RPP40: variants seen among roughly 807,000 people sequenced by gnomAD.
The protein encoded by RPP40 is ribonuclease P protein subunit p40.
RPP40 carries 30 observed loss-of-function variants against 42.5 expected under a neutral mutation model. That is an observed-to-expected ratio of 0.71 (90% CI 0.53 to 0.96). The LOEUF is 0.96. Among genes scored for constraint, RPP40 ranks in the 40% least tolerant of loss-of-function variants. The probability of loss-of-function intolerance (pLI) is 0.00; values close to 1 mark genes in which losing one functional copy is unlikely to be tolerated. For missense variants in RPP40, 426 were observed against 433.5 expected (o/e 0.98, Z 0.15); for synonymous variants, 173 against 164.0 (o/e 1.05, Z -0.42).
chr6:5,000,723 G>A (rs1337928987), intron 2 of RPP40, 92 bp from the exon 3 acceptor site: 5 of 851,040 alleles, frequency 5.9e-6, no homozygotes, highest in Admixed American at 2.0e-5. Context: ...CCAGTCTTCC[G>A]GGTCATTAAA....
chr6:4,995,315 G>C (rs1403231099), intron 7 of RPP40, 39 bp from the exon 8 acceptor site: 20 of 1,460,870 alleles, frequency 1.4e-5, no homozygotes, highest in Non-Finnish European at 1.9e-5. Context: ...TTTTAAAAGA[G>C]AGTTAGGAAT....
chr6:5,003,217 C>G (rs2764110), intron 1 of RPP40, among the ~76,000 whole-genome samples: 134,526 of 151,538 alleles, frequency 0.89, 59,828 homozygotes, highest in East Asian at 0.99. Flanking sequence ...CGTGGTGGCG[C>G]GCGCCTGTAG....
At chr6:4,994,462 C>CTT (rs1444218592), downstream of RPP40, among the ~76,000 whole-genome samples, 1 of 152,312 alleles carries the variant, frequency 6.6e-6, no homozygotes, top group African/African-American at 2.4e-5. Flanking sequence ...CCTTATCAGC[C>CTT]TTACTGCTGG....
downstream of RPP40, among the ~76,000 whole-genome samples, chr6:4,993,277 C>T (rs1403758369): frequency 6.6e-6 from 1 of 152,160 alleles, no homozygotes; most frequent in Non-Finnish European, 1.5e-5. Flanking sequence ...ATCCATTATT[C>T]TATTTTCAGT....
downstream of RPP40, among the ~76,000 whole-genome samples, chr6:4,990,763 G>A (rs1432046045): frequency 2.0e-5 from 3 of 151,450 alleles, no homozygotes; most frequent in African/African-American, 7.3e-5. Context: ...ATACAGGTGC[G>A]AGCCACCACG....
Position 4,994,920 on chromosome 6 carries a change from T to C in RPP40, c.*158A>G. 1.6e-6 allele frequency: 1 copy of C among 641,410 alleles called. No homozygotes were observed. The highest frequency in any genetic ancestry group is 2.7e-6 in the Non-Finnish European group (1 of 374,818). 39.7% of individuals were successfully genotyped at this position (641,410 alleles called of 1,614,324 possible). ...CACTGGACAGCAGGCCTTGCTGCCA[T>C]CACAGATGGGTCTCAGGTGCAGGGC... On this transcript the variant is annotated 3_prime_UTR_variant, in exon 8 of 8. Coordinates refer to ENST00000380051, the MANE Select transcript of RPP40 (RefSeq NM_006638.4).
intron 5 of RPP40, among the ~76,000 whole-genome samples, chr6:4,996,977 C>A (rs903055029): frequency 2.0e-5 from 3 of 152,188 alleles, no homozygotes; most frequent in Non-Finnish European, 4.4e-5. Context: ...AATAATGTCA[C>A]CCTCCCTCTC....
chr6:4,994,567 C>G (rs1004365965), downstream of RPP40, among the ~76,000 whole-genome samples: 20 of 152,182 alleles, frequency 1.3e-4, no homozygotes, highest in Non-Finnish European at 1.9e-4. Context: ...CACTTAGGAA[C>G]TAGGCTGGCC....
At chr6:4,995,456 T>C (rs1330950422) in intron 7 of RPP40, among the ~76,000 whole-genome samples, 180 bp from the exon 8 acceptor site, 1 of 152,188 alleles carries the variant, frequency 6.6e-6, no homozygotes, top group South Asian at 2.1e-4. Context: ...GTGAACTCCA[T>C]AAGGATTAAC....
chr6:4,995,456 T>A (rs1330950422), intron 7 of RPP40, among the ~76,000 whole-genome samples, 180 bp from the exon 8 acceptor site: 1 of 152,188 alleles, frequency 6.6e-6, no homozygotes, highest in East Asian at 1.9e-4. Flanking sequence ...GTGAACTCCA[T>A]AAGGATTAAC....
rs1242326189 is a variant in RPP40, at chr6:5,000,649, G to A, written c.269-18C>T. 6.7e-7 allele frequency: 1 copy of A among 1,500,948 alleles called. No individual in the cohort carries two copies. The highest frequency in any genetic ancestry group is 1.2e-5 in the South Asian group (1 of 85,422). The allele number at this position is 1,500,948 out of a possible 1,614,324, so 93.0% of individuals were successfully genotyped here. The stretch of plus-strand genomic sequence containing the variant: ...GCAAGAACCTGGAAGAGAAAGTACA[G>A]AGGAAAAATTTAAAACAAGAAATTA... On this transcript the variant is annotated intron_variant, in intron 2 of 7. Coordinates refer to ENST00000380051, the MANE Select transcript of RPP40 (RefSeq NM_006638.4).
At chr6:4,994,236 G>T (rs1759304425), downstream of RPP40, among the ~76,000 whole-genome samples, 1 of 138,838 alleles carries the variant, frequency 7.2e-6, no homozygotes, top group African/African-American at 2.7e-5. Flanking sequence ...TCACACACCG[G>T]GGCCTGTTGT....
chr6:4,999,672 A>G, intron 4 of RPP40, 137 bp downstream of exon 4: 1 of 595,254 alleles, frequency 1.7e-6, no homozygotes. Context: ...TCCTCTGTGA[A>G]GCTCGAGTCA....
chr6:5,001,857 C>T lies in RPP40; in HGVS notation c.268+244G>A, dbSNP rs145247478. The T allele has an allele frequency of 6.0e-4, 229 of 383,276 alleles. 4 individuals carry two copies. In the East Asian group the frequency reaches 7.9e-3, roughly 13 times the overall value. The allele number at this position is 383,276 out of a possible 1,614,324, so 23.7% of individuals were successfully genotyped here. ...TCCATTAATCCTCATTTTAAGGGGA[C>T]GGATACTGTCATGTTACAACATCCC... is the stretch of plus-strand genomic sequence containing the variant. On this transcript the variant is annotated intron_variant, in intron 2 of 7. Coordinates refer to ENST00000380051, the MANE Select transcript of RPP40 (RefSeq NM_006638.4).
At position 4,996,284 on chromosome 6, in the gene RPP40, C is replaced by T; in HGVS notation, c.696G>A (p.Glu232=). 1 of 1,614,138 alleles carries T rather than the reference C, an allele frequency of 6.2e-7. No homozygotes were observed. The highest frequency in any genetic ancestry group is 8.5e-7 in the Non-Finnish European group (1 of 1,180,048). The change falls in exon 6 of 8, where the codon GAG becomes GAA. Residue 232 remains glutamate (E), a synonymous_variant. Coordinates refer to ENST00000380051, the MANE Select transcript of RPP40 (RefSeq NM_006638.4). ...LQSSELEGTP[E]VSCRALELFD... ...AGAGCTCCAGAGCCCGGCAGGACAC[C>T]TCTGGCGTTCCCTCCAGCTCGCTGC...
downstream of RPP40, among the ~76,000 whole-genome samples, chr6:4,993,142 T>C (rs887311012): frequency 6.6e-6 from 1 of 152,248 alleles, no homozygotes; most frequent in Admixed American, 6.5e-5. Context: ...CCAGTGCTTA[T>C]TTCCTTCAGA....
At position 4,996,204 on chromosome 6, in the gene RPP40, G is replaced by A; in HGVS notation, c.758+18C>T. ...GCAGGCCAGAGCCCTGGAAGACACAGGGAGTTCAGATACCCACAGGTCGAC... is the reference window on the plus strand; with the variant it reads ...GCAGGCCAGAGCCCTGGAAGACACAAGGAGTTCAGATACCCACAGGTCGAC... On this transcript the variant is annotated intron_variant, in intron 6 of 7. Coordinates refer to ENST00000380051, the MANE Select transcript of RPP40 (RefSeq NM_006638.4). 2 of 1,612,468 alleles carry A rather than the reference G, an allele frequency of 1.2e-6. No homozygotes were observed. Among genetic ancestry groups the A allele is most frequent in the East Asian group, 4.5e-5 (2 of 44,836 alleles).
At chr6:4,995,368 G>C (rs946065632) in intron 7 of RPP40, 92 bp from the exon 8 acceptor site, 13 of 871,628 alleles carry the variant, frequency 1.5e-5, no homozygotes, top group African/African-American at 5.2e-5. Flanking sequence ...TAGTATTTCT[G>C]ATATTCTAAT....
chr6:4,992,026 T>C (rs1759267252), downstream of RPP40, among the ~76,000 whole-genome samples: 2 of 152,168 alleles, frequency 1.3e-5, no homozygotes, highest in South Asian at 4.1e-4. Context: ...CTGTGCTTCC[T>C]GCACAGCCTG....
Sources: allele counts gnomAD v4.1 joint callset (sites outside exome capture counted in the v4.1 genomes callset), GRCh38; gene constraint gnomAD v4.1.1; transcripts MANE v1.5; gene names NCBI Gene and HGNC (gene_info 2026-07-23, HGNC 2026-07-21).